The following ABCA10 variants were observed in gnomAD, a reference collection of about 807,000 sequenced individuals.
The protein encoded by ABCA10 is ATP-binding cassette sub-family A member 10.
In ABCA10, 169 loss-of-function variants were observed where a neutral mutation model predicts 187.5. The ratio of observed to expected loss-of-function variants is 0.90; its 90% CI spans 0.80 to 1.02. ABCA10 has a LOEUF of 1.02. Ranked by LOEUF, ABCA10 falls within the 50% of genes least tolerant of loss-of-function variation. ABCA10 has a pLI of 0.00. For missense variants in ABCA10, 1,727 were observed against 1,812.4 expected (o/e 0.95, Z 0.86); for synonymous variants, 574 against 601.8 (o/e 0.95, Z 0.68).
At chr17:69,205,534 T>G (rs1254208253) in intron 9 of ABCA10, among the ~76,000 whole-genome samples, 1 of 152,234 alleles carries the variant, frequency 6.6e-6, no homozygotes, top group Non-Finnish European at 1.5e-5. Flanking sequence ...ATTCTATTAA[T>G]ATTTAAAAAG....
At position 69,190,418 on chromosome 17, in the gene ABCA10, C is replaced by T. The variant is rs571913993; in HGVS notation, c.2071G>A (p.Val691Met). 3.2e-6 allele frequency: 5 copies of T among 1,584,408 alleles called. No individual in the cohort carries two copies. Among genetic ancestry groups the T allele is most frequent in the South Asian group, 1.2e-5 (1 of 84,840 alleles). Residue 691 changes from valine to methionine, a missense_variant, in exon 18 of 39, where the codon GTG becomes ATG. Val to Met is a conservative substitution (Grantham distance 21). Coordinates refer to ENST00000690296, the MANE Select transcript of ABCA10 (RefSeq NM_001377321.1). ...AAGAATACTTCATTCAGAGATGTCACTGAAACAGCATAATTCCTTATGCCC... is the reference window on the plus strand; with the variant it reads ...AAGAATACTTCATTCAGAGATGTCATTGAAACAGCATAATTCCTTATGCCC... ...DQGIRNYAVSVTSLNEVFLNL... is the reference protein window; with the variant it reads ...DQGIRNYAVSMTSLNEVFLNL...
rs966816681 is a variant in ABCA10, at chr17:69,201,481, C to T, written c.1175+19G>A. 20 of 1,551,394 alleles carry T rather than the reference C, an allele frequency of 1.3e-5. No homozygotes were observed. Among genetic ancestry groups the T allele is most frequent in the Non-Finnish European group, 1.6e-5 (19 of 1,153,454 alleles). ...GCTTTTACCTATAAGTGTACATAGTCATGTAATTTCTTAGTTACCTTATGG... is the reference window on the plus strand; with the variant it reads ...GCTTTTACCTATAAGTGTACATAGTTATGTAATTTCTTAGTTACCTTATGG... On this transcript the variant is annotated intron_variant, in intron 10 of 38. Coordinates refer to ENST00000690296, the MANE Select transcript of ABCA10 (RefSeq NM_001377321.1).
intron 27 of ABCA10, 40 bp from the exon 28 acceptor site, chr17:69,156,963 G>T: frequency 8.1e-7 from 1 of 1,238,944 alleles, no homozygotes; most frequent in South Asian, 1.5e-5. Flanking sequence ...GCATCACCAT[G>T]GCATTCACAC....
intron 20 of ABCA10, 33 bp from the exon 21 acceptor site, chr17:69,182,841 A>G: frequency 6.4e-7 from 1 of 1,551,200 alleles, no homozygotes; most frequent in South Asian, 1.2e-5. Context: ...ACAAGAAAAA[A>G]AAAAAAAAAG....
At chr17:69,159,420 T>C (rs1224817738) in intron 27 of ABCA10, among the ~76,000 whole-genome samples, 3 of 152,166 alleles carry the variant, frequency 2.0e-5, no homozygotes, top group African/African-American at 7.2e-5. Flanking sequence ...AAATTTGTTT[T>C]AAAAAATATT....
At chr17:69,151,801 C>T (rs757614637) in intron 36 of ABCA10, among the ~76,000 whole-genome samples, 19 of 152,084 alleles carry the variant, frequency 1.2e-4, no homozygotes, top group Non-Finnish European at 2.1e-4. Flanking sequence ...CAAGCCATTC[C>T]ACCATTTACA....
chr17:69,150,134 A>G, intron 36 of ABCA10, 71 bp from the exon 37 acceptor site: 1 of 1,129,826 alleles, frequency 8.9e-7, no homozygotes, highest in Non-Finnish European at 1.3e-6. Flanking sequence ...TTAATAGGCA[A>G]AGTAAAATAA....
chr17:69,230,434 T>C (rs527558572), upstream of ABCA10, among the ~76,000 whole-genome samples: 7 of 152,100 alleles, frequency 4.6e-5, no homozygotes, highest in Non-Finnish European at 8.8e-5. Context: ...GGAGAGGTCA[T>C]ATAAAATCCT....
chr17:69,162,853 A>ATATATG lies in ABCA10; in HGVS notation c.3363+1220_3363+1221insCATATA, dbSNP rs879584508. Among the ~76,000 whole-genome samples, 13 of 149,604 alleles carry ATATATG rather than the reference A, an allele frequency of 8.7e-5. No homozygotes were observed. The East Asian group carries it at 9.8e-4, about 11-fold the overall frequency. The stretch of plus-strand genomic sequence containing the variant: ...TATACATATACATATATATATATAT[A>ATATATG]TATGAGACGGAGTCTCTCTCTGTTG... On this transcript the variant is annotated intron_variant, in intron 27 of 38. Transcript: ENST00000690296.
intron 25 of ABCA10, among the ~76,000 whole-genome samples, chr17:69,168,247 T>A (rs2074269015): frequency 6.6e-6 from 1 of 152,044 alleles, no homozygotes; most frequent in Non-Finnish European, 1.5e-5. Flanking sequence ...TTTTAGAGAG[T>A]CAAAAGTTAC....
chr17:69,207,327 A>G (rs1301951973), intron 9 of ABCA10, among the ~76,000 whole-genome samples: 1 of 152,180 alleles, frequency 6.6e-6, no homozygotes, highest in Non-Finnish European at 1.5e-5. Context: ...GAAAAATATG[A>G]TGAAGGTTCC....
At chr17:69,205,231 T>C (rs141837398) in intron 9 of ABCA10, among the ~76,000 whole-genome samples, 1 of 152,234 alleles carries the variant, frequency 6.6e-6, no homozygotes, top group Non-Finnish European at 1.5e-5. Flanking sequence ...AATTTTAATT[T>C]GAAGCTGAGA....
At chr17:69,151,436 TAACA>T (rs2074127554) in intron 36 of ABCA10, among the ~76,000 whole-genome samples, 2 of 152,082 alleles carry the variant, frequency 1.3e-5, no homozygotes, top group African/African-American at 2.4e-5. Flanking sequence ...TCAATAAATA[TAACA>T]AATATTATAA....
intron 1 of ABCA10, among the ~76,000 whole-genome samples, chr17:69,240,831 G>C (rs141017633): frequency 6.6e-5 from 10 of 152,120 alleles, no homozygotes; most frequent in Non-Finnish European, 1.3e-4. Flanking sequence ...TGTGCCACTG[G>C]GTCTCAAATC....
At chr17:69,209,666 G>A (rs2074621994) in intron 9 of ABCA10, among the ~76,000 whole-genome samples, 1 of 152,096 alleles carries the variant, frequency 6.6e-6, no homozygotes, top group Non-Finnish European at 1.5e-5. Flanking sequence ...GATTTTTTAT[G>A]GAGCTAAATA....
intron 18 of ABCA10, among the ~76,000 whole-genome samples, chr17:69,189,496 C>A (rs1332430605): frequency 6.6e-6 from 1 of 152,076 alleles, no homozygotes; most frequent in Non-Finnish European, 1.5e-5. Flanking sequence ...TTGATAGTTT[C>A]TTTTGCTGTG....
intron 1 of ABCA10, among the ~76,000 whole-genome samples, chr17:69,238,212 G>C (rs548304747): frequency 2.0e-5 from 3 of 151,746 alleles, no homozygotes; most frequent in East Asian, 3.9e-4. Flanking sequence ...AAAGAGGCAT[G>C]GAACTGATTC....
intron 25 of ABCA10, among the ~76,000 whole-genome samples, chr17:69,172,226 A>G (rs2074303532): frequency 6.6e-6 from 1 of 152,066 alleles, no homozygotes; most frequent in African/African-American, 2.4e-5. Context: ...CACATAAAAA[A>G]TTTTTCAGGG....
chr17:69,180,723 TTAGA>T (rs1175876911), intron 22 of ABCA10, among the ~76,000 whole-genome samples: 2 of 152,194 alleles, frequency 1.3e-5, no homozygotes, highest in Non-Finnish European at 2.9e-5. Context: ...TTGTTTTATA[TTAGA>T]TAGTTTCTCT....
Sources: gnomAD v4.1 joint callset for allele counts (sites outside exome capture counted in the v4.1 genomes callset) on GRCh38, gnomAD v4.1.1 for gene constraint, MANE v1.5 for transcripts, NCBI Gene and HGNC (gene_info 2026-07-23, HGNC 2026-07-21) for gene names.